Variants in YAF2 observed in about 807,000 individuals in gnomAD.
YAF2 encodes YY1-associated factor 2.
Under a neutral mutation model 20.1 loss-of-function variants are expected in YAF2, and 7 were observed. That is an observed-to-expected ratio of 0.35 (90% CI 0.20 to 0.65). The LOEUF (loss-of-function observed/expected upper bound fraction) is 0.65. YAF2 is among the 30% of genes least tolerant of loss of function. The probability of loss-of-function intolerance (pLI) is 0.69; values close to 1 mark genes in which losing one functional copy is unlikely to be tolerated. For missense variants in YAF2, 151 were observed against 219.2 expected (o/e 0.69, Z 1.96); for synonymous variants, 74 against 76.0 (o/e 0.97, Z 0.14).
intron 2 of YAF2, chr12:42,233,369 A>G (rs2068039440): frequency 1.0e-6 from 1 of 985,106 alleles, no homozygotes; most frequent in South Asian, 4.7e-5. Flanking sequence ...AATATTTGCT[A>G]TCTGAATTAA....
intron 2 of YAF2, among the ~76,000 whole-genome samples, chr12:42,214,300 G>A (rs1316402175): frequency 6.6e-6 from 1 of 152,042 alleles, no homozygotes; most frequent in Non-Finnish European, 1.5e-5. Context: ...TTGAGACAAG[G>A]TCTGGCTTTT....
At chr12:42,178,323 G>A (rs2066250672) in intron 2 of YAF2, among the ~76,000 whole-genome samples, 1 of 151,996 alleles carries the variant, frequency 6.6e-6, no homozygotes, top group Non-Finnish European at 1.5e-5. Flanking sequence ...CTCCAGGAAT[G>A]AAGCCTGGTA....
At chr12:42,174,237 T>C (rs2066125860) in intron 2 of YAF2, among the ~76,000 whole-genome samples, 2 of 152,172 alleles carry the variant, frequency 1.3e-5, no homozygotes, top group Non-Finnish European at 2.9e-5. Context: ...AGGCTCACAT[T>C]AGTCAGGCTC....
rs1337819765 is a variant in YAF2, at chr12:42,161,625, T to C, written c.293A>G (p.His98Arg). 3.1e-6 allele frequency: 5 copies of C among 1,587,786 alleles called. No homozygotes were observed. The highest frequency in any genetic ancestry group is 2.3e-5 in the South Asian group (2 of 86,070). The change falls in exon 3 of 4, where the codon CAT becomes CGT. Residue 98 changes from histidine to arginine, a missense_variant. His to Arg is a conservative substitution (Grantham distance 29). Transcript: ENST00000534854. The stretch of plus-strand genomic sequence containing the variant: ...TCTTCACATTTACCTGGTTTTCTTA[T>C]GGCTATTCTTTTTGCTAGTTGTTTC... Reference protein sequence around the residue: ...EKETTSKKNSHKKTRPRLKNV... With the variant: ...EKETTSKKNSRKKTRPRLKNV...
chr12:42,228,409 C>G (rs2067841948), intron 2 of YAF2, among the ~76,000 whole-genome samples: 1 of 66,968 alleles, frequency 1.5e-5, no homozygotes, highest in Non-Finnish European at 2.8e-5. Context: ...GCCAGCCGCC[C>G]CGTCCGGGAG....
chr12:42,189,510 C>CTTTCT (rs1243835588), intron 2 of YAF2, among the ~76,000 whole-genome samples: 4 of 152,094 alleles, frequency 2.6e-5, no homozygotes, highest in Non-Finnish European at 5.9e-5. Context: ...GCAAGGAGAA[C>CTTTCT]CATTAGGGGC....
intron 2 of YAF2, among the ~76,000 whole-genome samples, chr12:42,209,748 T>C (rs1232691035): frequency 1.3e-5 from 2 of 152,154 alleles, no homozygotes; most frequent in Non-Finnish European, 2.9e-5. Flanking sequence ...ACATTTGGCT[T>C]CCCTATATTG....
At chr12:42,177,819 G>A (rs1275690412) in intron 2 of YAF2, among the ~76,000 whole-genome samples, 1 of 152,084 alleles carries the variant, frequency 6.6e-6, no homozygotes, top group East Asian at 1.9e-4. Context: ...ATGAATGCCA[G>A]ACCATAATTG....
intron 1 of YAF2, 69 bp downstream of exon 1, chr12:42,238,085 GC>G: frequency 7.7e-7 from 1 of 1,297,850 alleles, no homozygotes; most frequent in South Asian, 2.1e-5. Context: ...TAGCGAGGCG[GC>G]CACCCGAAGC....
chr12:42,196,949 T>C (rs188075453), intron 2 of YAF2, among the ~76,000 whole-genome samples: 1 of 152,334 alleles, frequency 6.6e-6, no homozygotes, highest in East Asian at 1.9e-4. Context: ...AATGGAGAGT[T>C]ACTAAAGATT....
intron 2 of YAF2, among the ~76,000 whole-genome samples, chr12:42,223,817 T>G (rs545743532): frequency 6.8e-6 from 1 of 146,238 alleles, no homozygotes; most frequent in Non-Finnish European, 1.5e-5. Flanking sequence ...TAAGTGGGAG[T>G]TGAACAATGA....
At chr12:42,194,097 G>T (rs1323908878) in intron 2 of YAF2, among the ~76,000 whole-genome samples, 2 of 152,068 alleles carry the variant, frequency 1.3e-5, no homozygotes, top group Non-Finnish European at 2.9e-5. Flanking sequence ...CACTACAAAA[G>T]AGTGAAAACA....
intron 2 of YAF2, among the ~76,000 whole-genome samples, chr12:42,185,211 G>C (rs998462333): frequency 6.6e-6 from 1 of 151,924 alleles, no homozygotes; most frequent in African/African-American, 2.4e-5. Flanking sequence ...CAAAAAAACA[G>C]AACTAGAATT....
intron 2 of YAF2, among the ~76,000 whole-genome samples, chr12:42,203,602 G>A (rs1188974354): frequency 6.6e-6 from 1 of 151,658 alleles, no homozygotes; most frequent in Non-Finnish European, 1.5e-5. Context: ...AACTTTAATG[G>A]GTATTGAGTT....
At chr12:42,173,411 A>G (rs2066102034) in intron 2 of YAF2, among the ~76,000 whole-genome samples, 1 of 152,220 alleles carries the variant, frequency 6.6e-6, no homozygotes, top group South Asian at 2.1e-4. Context: ...TACTTACATC[A>G]TTTCTATAAA....
chr12:42,238,051 T>C, intron 1 of YAF2, 104 bp downstream of exon 1: 2 of 960,776 alleles, frequency 2.1e-6, no homozygotes, highest in Non-Finnish European at 2.7e-6. Flanking sequence ...GCTGCCCCCG[T>C]GCTCGCCCCG....
intron 2 of YAF2, among the ~76,000 whole-genome samples, chr12:42,195,210 G>A (rs970241289): frequency 6.6e-6 from 1 of 152,076 alleles, no homozygotes; most frequent in Non-Finnish European, 1.5e-5. Flanking sequence ...TGTAAATGAG[G>A]AACAATATCC....
At chr12:42,188,274 T>G (rs775345138) in intron 2 of YAF2, among the ~76,000 whole-genome samples, 68 of 152,080 alleles carry the variant, frequency 4.5e-4, no homozygotes, top group Non-Finnish European at 2.9e-4. Context: ...AATAAATCAA[T>G]GTATTCAAAA....
intron 2 of YAF2, among the ~76,000 whole-genome samples, chr12:42,181,860 A>C (rs1216747235): frequency 6.6e-6 from 1 of 152,182 alleles, no homozygotes; most frequent in East Asian, 1.9e-4. Context: ...GAAGCGTAGT[A>C]ATAAGTATCT....
Sources: gnomAD v4.1 joint callset for allele counts (sites outside exome capture counted in the v4.1 genomes callset) on GRCh38, gnomAD v4.1.1 for gene constraint, MANE v1.5 for transcripts, NCBI Gene and HGNC (gene_info 2026-07-23, HGNC 2026-07-21) for gene names.